The following ITFG1 variants were observed in gnomAD, a reference collection of about 807,000 sequenced individuals.
ITFG1 encodes integrin alpha FG-GAP repeat containing 1, also known as T-cell immunomodulatory protein.
A neutral mutation model predicts 81.8 loss-of-function variants in ITFG1; 34 were observed. The observed-to-expected ratio is 0.42, with a 90% CI of 0.32 to 0.55. ITFG1 has a LOEUF of 0.55. ITFG1 is among the 20% of genes least tolerant of loss of function. The probability of loss-of-function intolerance (pLI) is 0.17; values close to 1 mark genes in which losing one functional copy is unlikely to be tolerated. For missense variants in ITFG1, 672 were observed against 755.4 expected (o/e 0.89, Z 1.29); for synonymous variants, 285 against 270.6 (o/e 1.05, Z -0.52).
chr16:47,441,998 C>T (rs900245253), intron 5 of ITFG1, among the ~76,000 whole-genome samples: 1 of 152,164 alleles, frequency 6.6e-6, no homozygotes, highest in Non-Finnish European at 1.5e-5. Context: ...GATACAAAAT[C>T]AATGTGCAAA....
At chr16:47,436,127 T>C (rs1969163112) in intron 5 of ITFG1, among the ~76,000 whole-genome samples, 2 of 152,156 alleles carry the variant, frequency 1.3e-5, no homozygotes, top group East Asian at 3.9e-4. Context: ...TTTATCATGA[T>C]GTAAAATGAT....
intron 8 of ITFG1, among the ~76,000 whole-genome samples, chr16:47,360,035 G>T: frequency 6.6e-6 from 1 of 152,052 alleles, no homozygotes; most frequent in East Asian, 1.9e-4. Flanking sequence ...ACTCTAAAAC[G>T]TTTTTTGAAT....
chr16:47,357,904 C>T (rs1291976496), intron 8 of ITFG1, among the ~76,000 whole-genome samples: 2 of 152,064 alleles, frequency 1.3e-5, no homozygotes, highest in Non-Finnish European at 2.9e-5. Flanking sequence ...GATTTCCAAT[C>T]AAAAAGCATT....
intron 5 of ITFG1, among the ~76,000 whole-genome samples, chr16:47,444,858 G>C (rs1189464727): frequency 6.6e-6 from 1 of 152,068 alleles, no homozygotes; most frequent in Admixed American, 6.6e-5. Context: ...ACAGTGCTAA[G>C]AACAGTTATA....
chr16:47,453,277 T>C (rs1007275040), intron 3 of ITFG1, among the ~76,000 whole-genome samples: 1 of 152,174 alleles, frequency 6.6e-6, no homozygotes, highest in African/African-American at 2.4e-5. Flanking sequence ...ATGACTGAAA[T>C]TTGGCTCCAT....
At chr16:47,237,943 T>A in intron 13 of ITFG1, 22 bp downstream of exon 13, 1 of 1,081,830 alleles carries the variant, frequency 9.2e-7, no homozygotes, top group Non-Finnish European at 1.4e-6. Context: ...GACATATTTA[T>A]AACAGATATA....
chr16:47,175,104 C>T (rs1451309850), intron 14 of ITFG1, among the ~76,000 whole-genome samples: 3 of 151,984 alleles, frequency 2.0e-5, no homozygotes, highest in African/African-American at 7.2e-5. Flanking sequence ...AAAATGGAGA[C>T]AAAGAACACC....
At chr16:47,295,759 G>C (rs924566988) in intron 10 of ITFG1, among the ~76,000 whole-genome samples, 1 of 152,018 alleles carries the variant, frequency 6.6e-6, no homozygotes, top group Non-Finnish European at 1.5e-5. Context: ...CCAACTTTTT[G>C]TTGTCTTGAT....
chr16:47,372,051 T>C (rs1357537169), intron 7 of ITFG1, among the ~76,000 whole-genome samples: 3 of 151,956 alleles, frequency 2.0e-5, no homozygotes, highest in African/African-American at 7.3e-5. Context: ...TAGCTGGGAC[T>C]ACAGGCGCCC....
intron 7 of ITFG1, among the ~76,000 whole-genome samples, chr16:47,370,965 G>T (rs1968246129): frequency 6.6e-6 from 1 of 152,182 alleles, no homozygotes; most frequent in Admixed American, 6.5e-5. Context: ...TGGAACACTA[G>T]AAATTATTCC....
intron 12 of ITFG1, among the ~76,000 whole-genome samples, chr16:47,242,407 G>C (rs980632538): frequency 8.6e-5 from 13 of 150,882 alleles, no homozygotes; most frequent in African/African-American, 3.2e-4. Flanking sequence ...CAAGAGATAG[G>C]TGAAAAAGAA....
rs544166955 is a variant in ITFG1, at chr16:47,173,346, G to T, written c.1454-10682C>A. Among the ~76,000 whole-genome samples the T allele has an allele frequency of 2.6e-5, 4 of 152,212 alleles. No individual in the cohort carries two copies. In the East Asian group the frequency reaches 7.7e-4, roughly 29 times the overall value. ...GCAATCTCTATGAGGGCTGAGATTTGAGTCTGTTTTATTCACTTCTGTATT... is the reference window on the plus strand; with the variant it reads ...GCAATCTCTATGAGGGCTGAGATTTTAGTCTGTTTTATTCACTTCTGTATT... On this transcript the variant is annotated intron_variant, in intron 14 of 17. Transcript: ENST00000320640.
intron 6 of ITFG1, among the ~76,000 whole-genome samples, chr16:47,419,469 G>A (rs535353884): frequency 6.6e-6 from 1 of 152,012 alleles, no homozygotes; most frequent in East Asian, 1.9e-4. Flanking sequence ...ACAGAGTTTT[G>A]CCATGTTGCC....
At chr16:47,374,726 CT>C (rs560669382) in intron 7 of ITFG1, among the ~76,000 whole-genome samples, 1 of 152,078 alleles carries the variant, frequency 6.6e-6, no homozygotes, top group Admixed American at 6.6e-5. Context: ...TTAAATAAGT[CT>C]TTTTTGATTT....
intron 5 of ITFG1, among the ~76,000 whole-genome samples, chr16:47,440,332 G>T (rs1358852175): frequency 2.6e-5 from 4 of 152,168 alleles, no homozygotes; most frequent in Admixed American, 6.5e-5. Flanking sequence ...TGCACCAAGC[G>T]GACCTAATAG....
At chr16:47,202,504 T>C (rs1965437969) in intron 14 of ITFG1, 1 of 152,184 alleles carries the variant, frequency 6.6e-6, no homozygotes, top group Non-Finnish European at 1.5e-5. Context: ...CAGTATTCTT[T>C]AATGTTGTCC....
intron 9 of ITFG1, chr16:47,313,054 G>C (rs1278998688): frequency 1.3e-5 from 2 of 151,998 alleles, no homozygotes; most frequent in East Asian, 3.9e-4. Flanking sequence ...AAGCTTTGGG[G>C]GTAGAGAAGC....
At chr16:47,315,166 T>C (rs1967333243) in intron 8 of ITFG1, among the ~76,000 whole-genome samples, 1 of 152,108 alleles carries the variant, frequency 6.6e-6, no homozygotes. Context: ...GTTGAATTAA[T>C]AATAAAATAT....
At chr16:47,201,223 T>C (rs1269396523) in intron 14 of ITFG1, among the ~76,000 whole-genome samples, 1 of 151,770 alleles carries the variant, frequency 6.6e-6, no homozygotes, top group African/African-American at 2.4e-5. Context: ...TTTTTTTTTT[T>C]TTTGAGACGG....
Sources: gnomAD v4.1 joint callset for allele counts (sites outside exome capture counted in the v4.1 genomes callset) on GRCh38, gnomAD v4.1.1 for gene constraint, MANE v1.5 for transcripts, NCBI Gene and HGNC (gene_info 2026-07-23, HGNC 2026-07-21) for gene names.